Variants in KCNN3 observed in about 807,000 individuals in gnomAD.
KCNN3 encodes potassium calcium-activated channel subfamily N member 3, also known as small conductance calcium-activated potassium channel protein 3.
In KCNN3, 16 loss-of-function variants were observed where a neutral mutation model predicts 62.9. The ratio of observed to expected loss-of-function variants is 0.25; its 90% CI spans 0.17 to 0.39. The LOEUF is 0.39. Ranked by LOEUF, KCNN3 falls within the 10% of genes least tolerant of loss-of-function variation. The pLI is 1.00. For missense variants in KCNN3, 599 were observed against 949.4 expected, an observed-to-expected ratio of 0.63 and a Z score of 4.85; for synonymous variants, 370 against 389.2, an observed-to-expected ratio of 0.95 and a Z score of 0.58.
intron 3 of KCNN3, among the ~76,000 whole-genome samples, chr1:154,750,882 G>A (rs1288519360): frequency 2.0e-5 from 3 of 152,212 alleles, no homozygotes; most frequent in Admixed American, 2.0e-4. Flanking sequence ...GCTTTCCTGG[G>A]GCGGTGAGAG....
intron 3 of KCNN3, among the ~76,000 whole-genome samples, chr1:154,746,332 G>A (rs1700934879): frequency 6.6e-6 from 1 of 152,222 alleles, no homozygotes; most frequent in South Asian, 2.1e-4. Flanking sequence ...TATGGGTTGG[G>A]ATGACAGTGC....
chr1:154,714,605 GGTGTGTGGTGTGTGTGTGT>G (rs1232811480), intron 6 of KCNN3, among the ~76,000 whole-genome samples: 7 of 26,062 alleles, frequency 2.7e-4, no homozygotes, highest in South Asian at 1.4e-3. Flanking sequence ...TGTGATGTGT[GGTGTGTGGTGTGTGTGTGT>G]GTGTGTGTGT....
At chr1:154,848,157 T>C (rs1042298696) in intron 1 of KCNN3, among the ~76,000 whole-genome samples, 5 of 152,164 alleles carry the variant, frequency 3.3e-5, no homozygotes, top group African/African-American at 1.2e-4. Context: ...CATCCTGTTC[T>C]CTGGGACCAG....
intron 2 of KCNN3, among the ~76,000 whole-genome samples, chr1:154,816,194 G>A (rs760203294): frequency 2.6e-5 from 4 of 152,014 alleles, no homozygotes; most frequent in Non-Finnish European, 5.9e-5. Context: ...TGTTACTACC[G>A]TTACGTTTCT....
chr1:154,754,114 A>C (rs1441962030), intron 3 of KCNN3, among the ~76,000 whole-genome samples: 1 of 152,156 alleles, frequency 6.6e-6, no homozygotes, highest in Non-Finnish European at 1.5e-5. Flanking sequence ...GGTTGACTGG[A>C]ATTGCATGAT....
Position 154,822,001 on chromosome 1 carries a change from A to T in KCNN3, c.1029+88T>A, listed in dbSNP as rs1002879280. ...AAATCACCCAAGTAGCTGCTAAGGG[A>T]GTGGGTTTTGGGGGTGGGGATGGGC... On this transcript the variant is annotated intron_variant, in intron 2 of 7. Coordinates refer to ENST00000271915, the MANE Select transcript of KCNN3 (RefSeq NM_002249.6). The T allele has an allele frequency of 3.3e-6, 3 of 918,118 alleles. No homozygotes were observed. The African/African-American group carries it at 4.9e-5, about 15-fold the overall frequency. The allele number at this position is 918,118 out of a possible 1,614,324, so 56.9% of individuals were successfully genotyped here.
At chr1:154,836,963 C>A (rs1217588683) in intron 1 of KCNN3, among the ~76,000 whole-genome samples, 6 of 152,224 alleles carry the variant, frequency 3.9e-5, no homozygotes, top group African/African-American at 9.7e-5. Context: ...AGAGGAGAAT[C>A]GTGCAAAATC....
intron 3 of KCNN3, among the ~76,000 whole-genome samples, chr1:154,771,226 T>C (rs927038409): frequency 2.6e-5 from 4 of 151,848 alleles, no homozygotes; most frequent in African/African-American, 7.3e-5. Context: ...TTCCAAGGAG[T>C]TGGCATTTTG....
intron 3 of KCNN3, among the ~76,000 whole-genome samples, chr1:154,761,717 T>C (rs142090126): frequency 0.062 from 9,382 of 152,200 alleles, 327 homozygotes; most frequent in Non-Finnish European, 0.089. Flanking sequence ...GGCAGGTGGA[T>C]CACTTGAGGC....
intron 1 of KCNN3, among the ~76,000 whole-genome samples, chr1:154,838,462 C>A (rs902652861): frequency 6.6e-6 from 1 of 152,188 alleles, no homozygotes; most frequent in Admixed American, 6.5e-5. Context: ...CTGACCCCTG[C>A]CTGCCTCTAC....
In KCNN3 at chr1:154,732,953, G is replaced by A. The variant is rs1700629600; in HGVS notation, c.1590+50C>T. The A allele has an allele frequency of 3.1e-6, 5 of 1,606,328 alleles. No individual in the cohort carries two copies. The African/African-American group carries it at 5.3e-5, about 17-fold the overall frequency. Reference sequence around the variant, plus strand: ...CTATGTGCTTGCAAGAAAGAGTTCAGCTCTTTGCCACATTTTAAGGGTAGG... The same window carrying A: ...CTATGTGCTTGCAAGAAAGAGTTCAACTCTTTGCCACATTTTAAGGGTAGG... On this transcript the variant is annotated intron_variant, in intron 4 of 7. Coordinates refer to ENST00000271915, the MANE Select transcript of KCNN3 (RefSeq NM_002249.6).
intron 2 of KCNN3, among the ~76,000 whole-genome samples, chr1:154,814,256 C>T (rs112882862): frequency 6.6e-6 from 1 of 152,192 alleles, no homozygotes; most frequent in Non-Finnish European, 1.5e-5. Flanking sequence ...CATGCCTACC[C>T]CAGTTTTGTC....
chr1:154,812,097 T>C (rs1262659947), intron 2 of KCNN3, among the ~76,000 whole-genome samples: 1 of 152,290 alleles, frequency 6.6e-6, no homozygotes, highest in East Asian at 1.9e-4. Context: ...GACCCAGATA[T>C]GACACGGGGG....
chr1:154,835,682 G>C (rs371660522), intron 1 of KCNN3, among the ~76,000 whole-genome samples: 268 of 152,338 alleles, frequency 1.8e-3, no homozygotes, highest in African/African-American at 5.9e-3. Context: ...AGAGGAGGCT[G>C]TAACCATGGA....
intron 2 of KCNN3, among the ~76,000 whole-genome samples, chr1:154,802,494 GC>G (rs1490135763): frequency 6.6e-6 from 1 of 152,178 alleles, no homozygotes; most frequent in Non-Finnish European, 1.5e-5. Context: ...GAAGTATGGA[GC>G]CCAGCCCTGC....
intron 1 of KCNN3, among the ~76,000 whole-genome samples, chr1:154,839,276 G>A (rs528161724): frequency 3.9e-5 from 6 of 152,162 alleles, no homozygotes; most frequent in East Asian, 1.9e-4. Context: ...CCCCATCACT[G>A]CTCCAAGGCT....
intron 3 of KCNN3, among the ~76,000 whole-genome samples, chr1:154,763,467 C>G (rs1425848316): frequency 1.3e-5 from 2 of 152,130 alleles, no homozygotes; most frequent in Non-Finnish European, 2.9e-5. Flanking sequence ...GGCTCGAACT[C>G]CTAGGCTCAA....
At chr1:154,727,431 ACT>A (rs1207552360) in intron 4 of KCNN3, among the ~76,000 whole-genome samples, 1 of 151,964 alleles carries the variant, frequency 6.6e-6, no homozygotes, top group Non-Finnish European at 1.5e-5. Context: ...TCCATTCCCT[ACT>A]CTCTCTTTTA....
intron 7 of KCNN3, among the ~76,000 whole-genome samples, chr1:154,710,707 G>A (rs747224034): frequency 5.3e-5 from 8 of 152,172 alleles, no homozygotes; most frequent in Non-Finnish European, 1.2e-4. Context: ...CTTCTCAAAA[G>A]AAGACATTTA....
Sources: allele counts gnomAD v4.1 joint callset (sites outside exome capture counted in the v4.1 genomes callset), GRCh38; gene constraint gnomAD v4.1.1; transcripts MANE v1.5; gene names NCBI Gene and HGNC (gene_info 2026-07-23, HGNC 2026-07-21).